The following AP3B1 variants were observed in gnomAD, a reference collection of about 807,000 sequenced individuals.
AP3B1 encodes adaptor related protein complex 3 subunit beta 1, also known as AP-3 complex subunit beta-1.
A neutral mutation model predicts 132.5 loss-of-function variants in AP3B1; 61 were observed. The observed-to-expected ratio is 0.46, with a 90% CI of 0.37 to 0.57. AP3B1 has a LOEUF of 0.57. Ranked by LOEUF, AP3B1 falls within the 20% of genes least tolerant of loss-of-function variation. The pLI, the probability that AP3B1 is intolerant of heterozygous loss-of-function variation, is 0.00. For missense variants in AP3B1, 1,120 were observed against 1,289.4 expected, an observed-to-expected ratio of 0.87 and a Z score of 2.01; for synonymous variants, 388 against 438.3, an observed-to-expected ratio of 0.89 and a Z score of 1.43.
intron 22 of AP3B1, among the ~76,000 whole-genome samples, chr5:78,053,985 T>C (rs535144415): frequency 6.6e-6 from 1 of 152,340 alleles, no homozygotes; most frequent in South Asian, 2.1e-4. Flanking sequence ...CATGTTTTAC[T>C]AGCCTTGTAA....
intron 22 of AP3B1, chr5:78,087,810 AC>A (rs1750326833): frequency 2.0e-6 from 1 of 492,752 alleles, no homozygotes; most frequent in Non-Finnish European, 2.6e-6. Context: ...AGAAGAGTCT[AC>A]ACTCAGAGTC....
intron 7 of AP3B1, among the ~76,000 whole-genome samples, chr5:78,192,317 C>T (rs1317216766): frequency 6.6e-6 from 1 of 151,944 alleles, no homozygotes; most frequent in African/African-American, 2.4e-5. Flanking sequence ...ATATTATGAA[C>T]TGAATGATTC....
chr5:78,159,883 C>A (rs1743316818), intron 13 of AP3B1, among the ~76,000 whole-genome samples: 1 of 152,172 alleles, frequency 6.6e-6, no homozygotes, highest in Admixed American at 6.5e-5. Flanking sequence ...ATCCTATGTT[C>A]TAGATATTTC....
chr5:78,120,611 G>A (rs542907908), intron 17 of AP3B1, among the ~76,000 whole-genome samples: 469 of 151,984 alleles, frequency 3.1e-3, no homozygotes, highest in African/African-American at 0.011. Flanking sequence ...ATTACATAAT[G>A]GTAAAGGGAT....
intron 17 of AP3B1, among the ~76,000 whole-genome samples, chr5:78,120,161 C>T (rs932755390): frequency 1.2e-4 from 18 of 152,200 alleles, no homozygotes; most frequent in Middle Eastern, 6.8e-3. Context: ...TGTCACCACC[C>T]GGCCTGCCCT....
At chr5:78,181,477 G>T in intron 8 of AP3B1, 30 bp downstream of exon 8, 5 of 1,602,962 alleles carry the variant, frequency 3.1e-6, no homozygotes, top group Non-Finnish European at 4.3e-6. Context: ...AAAAACCAGT[G>T]AATTATTTCT....
At chr5:78,186,880 T>A (rs907029756) in intron 7 of AP3B1, among the ~76,000 whole-genome samples, 2 of 152,184 alleles carry the variant, frequency 1.3e-5, no homozygotes, top group African/African-American at 4.8e-5. Context: ...ACACCTTTCA[T>A]CAAAAGTACA....
chr5:78,277,165 G>A (rs1240570070), intron 1 of AP3B1, among the ~76,000 whole-genome samples: 1 of 152,126 alleles, frequency 6.6e-6, no homozygotes, highest in Non-Finnish European at 1.5e-5. Context: ...AACTACAATA[G>A]AGAAAAATCA....
chr5:78,053,158 C>A (rs1012853819), intron 22 of AP3B1, among the ~76,000 whole-genome samples: 3 of 152,200 alleles, frequency 2.0e-5, no homozygotes, highest in Non-Finnish European at 4.4e-5. Flanking sequence ...ATGCTAGTGT[C>A]TTCTCCCATT....
At chr5:78,224,909 G>C (rs1403140525) in intron 6 of AP3B1, among the ~76,000 whole-genome samples, 2 of 151,942 alleles carry the variant, frequency 1.3e-5, no homozygotes, top group Non-Finnish European at 2.9e-5. Context: ...AGAACAAGTA[G>C]GCATAAGATC....
intron 1 of AP3B1, among the ~76,000 whole-genome samples, chr5:78,285,437 TA>T (rs1749233892): frequency 6.6e-6 from 1 of 152,132 alleles, no homozygotes; most frequent in Non-Finnish European, 1.5e-5. Context: ...TTGACACAAT[TA>T]CTCCAGGAAT....
At chr5:78,097,693 A>G (rs557286624) in intron 21 of AP3B1, among the ~76,000 whole-genome samples, 41 of 137,868 alleles carry the variant, frequency 3.0e-4, no homozygotes, top group Middle Eastern at 4.3e-3. Context: ...CGCCTCGTCC[A>G]GGAGGTGAGG....
intron 2 of AP3B1, among the ~76,000 whole-genome samples, chr5:78,263,320 G>C (rs1445239356): frequency 6.6e-6 from 1 of 152,072 alleles, no homozygotes; most frequent in African/African-American, 2.4e-5. Context: ...TTGTTAATGT[G>C]TAGAAATGCA....
intron 24 of AP3B1, among the ~76,000 whole-genome samples, chr5:78,026,605 C>T (rs1478659578): frequency 2.0e-5 from 3 of 152,096 alleles, no homozygotes; most frequent in African/African-American, 7.2e-5. Flanking sequence ...AATTTTTCTC[C>T]ATTATAAACA....
intron 17 of AP3B1, among the ~76,000 whole-genome samples, chr5:78,122,849 T>G (rs190008592): frequency 9.8e-5 from 15 of 152,322 alleles, no homozygotes; most frequent in Admixed American, 2.0e-4. Context: ...AAAACTACTT[T>G]AAAGTTCATA....
At chr5:78,119,358 G>A (rs1195004325) in intron 17 of AP3B1, among the ~76,000 whole-genome samples, 2 of 152,198 alleles carry the variant, frequency 1.3e-5, no homozygotes, top group African/African-American at 2.4e-5. Context: ...TTGACGAGCT[G>A]AGAGAAGAAG....
At chr5:78,045,518 C>T (rs1300380242) in intron 22 of AP3B1, among the ~76,000 whole-genome samples, 2 of 151,708 alleles carry the variant, frequency 1.3e-5, no homozygotes, top group Admixed American at 6.6e-5. Flanking sequence ...ATATTTTGTT[C>T]AATAAACCGA....
intron 22 of AP3B1, among the ~76,000 whole-genome samples, chr5:78,055,476 G>C (rs1748771504): frequency 6.6e-6 from 1 of 152,190 alleles, no homozygotes; most frequent in Non-Finnish European, 1.5e-5. Context: ...TGAGGAGTCA[G>C]TGTGACACTG....
Position 78,191,365 on chromosome 5 carries a change from A to ACCC in AP3B1, c.787-9704_787-9703insGGG, listed in dbSNP as rs1262197709. ...GAATTGCTTTTCCCCAAAAAAAAAA[A>ACCC]AAAAAAAAAAAAGGATGTGTTAATT... On this transcript the variant is annotated intron_variant, in intron 7 of 26. Transcript: ENST00000255194. Among the ~76,000 whole-genome samples the ACCC allele has an allele frequency of 6.6e-5, 10 of 150,630 alleles. No individual in the cohort carries two copies. The South Asian group carries it at 2.1e-3, about 31-fold the overall frequency.
Sources: gnomAD v4.1 joint callset for allele counts (sites outside exome capture counted in the v4.1 genomes callset) on GRCh38, gnomAD v4.1.1 for gene constraint, MANE v1.5 for transcripts, NCBI Gene and HGNC (gene_info 2026-07-23, HGNC 2026-07-21) for gene names.